The following CCDC102B variants were observed in gnomAD, a reference collection of about 807,000 sequenced individuals.
The protein encoded by CCDC102B is coiled-coil domain-containing protein 102B.
CCDC102B carries 75 observed loss-of-function variants against 57.4 expected under a neutral mutation model. The observed-to-expected ratio is 1.31, with a 90% CI of 1.08 to 1.58. The LOEUF (loss-of-function observed/expected upper bound fraction) is 1.58. CCDC102B is among the 40% of genes most tolerant of loss of function. The pLI is 0.00. For missense variants in CCDC102B, 636 were observed against 582.6 expected (o/e 1.09, Z -0.94); for synonymous variants, 206 against 201.9 (o/e 1.02, Z -0.17).
chr18:68,729,450 G>A (rs2032758834), intron 2 of CCDC102B, among the ~76,000 whole-genome samples: 2 of 152,200 alleles, frequency 1.3e-5, no homozygotes, highest in Non-Finnish European at 2.9e-5. Flanking sequence ...GCAATGTAGT[G>A]TTGACACAGG....
intron 6 of CCDC102B, among the ~76,000 whole-genome samples, chr18:68,980,742 G>C (rs1243086413): frequency 1.3e-5 from 2 of 152,036 alleles, no homozygotes; most frequent in South Asian, 2.1e-4. Context: ...CAGAATGTTT[G>C]AGAAATGGCA....
intron 2 of CCDC102B, among the ~76,000 whole-genome samples, chr18:68,733,507 T>TATATA (rs1491296876): frequency 4.3e-4 from 33 of 76,112 alleles, no homozygotes; most frequent in East Asian, 7.1e-4. Flanking sequence ...TATATATATA[T>TATATA]TTTTTTAACT....
chr18:68,741,965 G>A (rs527767039), intron 2 of CCDC102B, among the ~76,000 whole-genome samples: 25 of 152,242 alleles, frequency 1.6e-4, no homozygotes, highest in Non-Finnish European at 2.6e-4. Flanking sequence ...GGAGGAAAAC[G>A]GAGACGTGAG....
At chr18:68,781,186 T>A (rs1439151944) in intron 2 of CCDC102B, among the ~76,000 whole-genome samples, 5 of 152,150 alleles carry the variant, frequency 3.3e-5, no homozygotes, top group Admixed American at 2.0e-4. Flanking sequence ...TAGCTGATTA[T>A]GGAGACTGTG....
intron 6 of CCDC102B, among the ~76,000 whole-genome samples, chr18:68,954,532 A>G (rs1477366345): frequency 1.3e-5 from 2 of 152,168 alleles, no homozygotes; most frequent in Non-Finnish European, 2.9e-5. Context: ...GGGGTTTTGT[A>G]TTCCTTTATT....
chr18:68,869,642 T>C (rs2039152167), intron 4 of CCDC102B, among the ~76,000 whole-genome samples: 1 of 152,238 alleles, frequency 6.6e-6, no homozygotes, highest in Non-Finnish European at 1.5e-5. Context: ...GATGGATAGA[T>C]TGCAAAAATT....
intron 6 of CCDC102B, among the ~76,000 whole-genome samples, chr18:68,904,706 C>G (rs190744319): frequency 1.1e-4 from 17 of 152,258 alleles, no homozygotes; most frequent in Middle Eastern, 3.4e-3. Context: ...CACACACACA[C>G]AGAATTGAAT....
At chr18:68,758,298 TATAA>T (rs1030521540) in intron 2 of CCDC102B, among the ~76,000 whole-genome samples, 18 of 151,816 alleles carry the variant, frequency 1.2e-4, no homozygotes, top group Admixed American at 1.1e-3. Flanking sequence ...ATGTTATATA[TATAA>T]AAATAATTTG....
chr18:68,819,044 G>A (rs910831040), intron 1 of CCDC102B, among the ~76,000 whole-genome samples: 1 of 151,974 alleles, frequency 6.6e-6, no homozygotes, highest in African/African-American at 2.4e-5. Context: ...CATTCTTCAC[G>A]CTATTATTTG....
At chr18:68,894,716 T>G (rs2040186185) in intron 5 of CCDC102B, among the ~76,000 whole-genome samples, 1 of 151,818 alleles carries the variant, frequency 6.6e-6, no homozygotes, top group Non-Finnish European at 1.5e-5. Context: ...TTAATATATG[T>G]TATACACATA....
rs144542636 is a variant in CCDC102B, at chr18:68,922,842, C to T, written c.1263+25414C>T. Among the ~76,000 whole-genome samples the T allele has an allele frequency of 1.1e-4, 17 of 152,134 alleles. No individual in the cohort carries two copies. In the East Asian group the frequency reaches 2.5e-3, roughly 23 times the overall value. On this transcript the variant is annotated intron_variant, in intron 6 of 7. Coordinates refer to ENST00000360242, the MANE Select transcript of CCDC102B (RefSeq NM_024781.3). ...ATATTTATTGAGCACCTATTATAAG[C>T]CAGCTGCTCATACTTGCTATGTGGG...
intron 6 of CCDC102B, among the ~76,000 whole-genome samples, chr18:68,966,933 T>A (rs2050180077): frequency 6.6e-6 from 1 of 152,182 alleles, no homozygotes; most frequent in Non-Finnish European, 1.5e-5. Flanking sequence ...CCCTTTGGAC[T>A]GTGGATTAAG....
At chr18:68,770,840 AT>A (rs1304043105) in intron 2 of CCDC102B, among the ~76,000 whole-genome samples, 1 of 152,224 alleles carries the variant, frequency 6.6e-6, no homozygotes, top group Non-Finnish European at 1.5e-5. Flanking sequence ...AGAAGAAAGA[AT>A]TTTCTGTGAA....
At chr18:69,020,130 A>C (rs753837230) in intron 7 of CCDC102B, among the ~76,000 whole-genome samples, 9 of 152,150 alleles carry the variant, frequency 5.9e-5, no homozygotes, top group Admixed American at 1.3e-4. Context: ...GGATGTTCAA[A>C]ATACCTAGTG....
intron 1 of CCDC102B, among the ~76,000 whole-genome samples, chr18:68,802,708 T>C (rs1280750037): frequency 6.6e-6 from 1 of 152,220 alleles, no homozygotes; most frequent in African/African-American, 2.4e-5. Flanking sequence ...TATAAGTTTC[T>C]TCCATATTAT....
intron 6 of CCDC102B, among the ~76,000 whole-genome samples, chr18:68,906,997 A>T (rs1192731053): frequency 2.0e-5 from 3 of 151,912 alleles, no homozygotes; most frequent in Admixed American, 1.3e-4. Flanking sequence ...TGTAAGAAAG[A>T]GGTCCACATT....
At chr18:68,746,276 T>C (rs927185085) in intron 2 of CCDC102B, among the ~76,000 whole-genome samples, 15 of 152,216 alleles carry the variant, frequency 9.9e-5, no homozygotes, top group Admixed American at 5.2e-4. Flanking sequence ...TATTTCTGAA[T>C]GCTATCCATC....
intron 1 of CCDC102B, among the ~76,000 whole-genome samples, chr18:68,829,334 G>C (rs1438934388): frequency 6.6e-6 from 1 of 151,978 alleles, no homozygotes; most frequent in East Asian, 1.9e-4. Flanking sequence ...TATAGCTCAT[G>C]AAAGTCTTAA....
In CCDC102B at chr18:69,054,871, A is replaced by G; in HGVS notation, c.*734A>G. The G allele has an allele frequency of 1.0e-6, 1 of 985,372 alleles. No homozygotes were observed. The highest frequency in any genetic ancestry group is 1.2e-6 in the Non-Finnish European group (1 of 829,916). 61.0% of individuals were successfully genotyped at this position (985,372 alleles called of 1,614,324 possible). ...TAGCATCTAGGTAGAAATCAGGCCA[A>G]AATTAAGCTGTGGTTTCCCTCTGAG... On this transcript the variant is annotated 3_prime_UTR_variant, in exon 8 of 8. Coordinates refer to ENST00000360242, the MANE Select transcript of CCDC102B (RefSeq NM_024781.3).
Sources: gnomAD v4.1 joint callset for allele counts (sites outside exome capture counted in the v4.1 genomes callset) on GRCh38, gnomAD v4.1.1 for gene constraint, MANE v1.5 for transcripts, NCBI Gene and HGNC (gene_info 2026-07-23, HGNC 2026-07-21) for gene names.